SLC7A7: variants seen among roughly 807,000 people sequenced by gnomAD.
SLC7A7 encodes the protein Y+L amino acid transporter 1.
Under a neutral mutation model 47.9 loss-of-function variants are expected in SLC7A7, and 39 were observed. That is an observed-to-expected ratio of 0.81 (90% confidence interval 0.63 to 1.06). The LOEUF is 1.06. Ranked by LOEUF, SLC7A7 falls within the 50% of genes least tolerant of loss-of-function variation. SLC7A7 has a pLI of 0.00. For missense variants in SLC7A7, 588 were observed against 632.0 expected, an observed-to-expected ratio of 0.93 and a Z score of 0.75; for synonymous variants, 234 against 242.8, an observed-to-expected ratio of 0.96 and a Z score of 0.34.
At chr14:22,789,464 C>A (rs986562236) in intron 2 of SLC7A7, among the ~76,000 whole-genome samples, 8 of 151,750 alleles carry the variant, frequency 5.3e-5, no homozygotes, top group African/African-American at 1.9e-4. Flanking sequence ...CCCGTCTCTA[C>A]TAAAAATACA....
chr14:22,779,454 C>CT lies in SLC7A7; in HGVS notation c.625+471dup, dbSNP rs35328728. Among the ~76,000 whole-genome samples, 366 of 136,334 alleles carry CT rather than the reference C, an allele frequency of 2.7e-3. 1 individual carries two copies. Among genetic ancestry groups the CT allele is most frequent in the Middle Eastern group, 3.8e-3 (1 of 264 alleles). 89.4% of individuals were successfully genotyped at this position (136,334 alleles called of 152,430 possible). On this transcript the variant is annotated intron_variant, in intron 3 of 9. Transcript: ENST00000674313. Reference sequence around the variant, plus strand: ...AGCAACTTGGGCAAGATATTTAATTCTTTTTTTTTTTTGGGGGGGGGACAG... The same window carrying CT: ...AGCAACTTGGGCAAGATATTTAATTCTTTTTTTTTTTTTGGGGGGGGGACAG...
intron 2 of SLC7A7, chr14:22,780,260 A>C: frequency 1.8e-6 from 1 of 551,648 alleles, no homozygotes; most frequent in Non-Finnish European, 3.3e-6. Flanking sequence ...CACCCCCAGC[A>C]CCTTATATGG....
intron 2 of SLC7A7, among the ~76,000 whole-genome samples, chr14:22,791,466 A>G (rs2038922654): frequency 6.6e-6 from 1 of 152,158 alleles, no homozygotes; most frequent in South Asian, 2.1e-4. Context: ...TGGTGACATC[A>G]TTCATCCCAC....
At chr14:22,776,004 C>T in intron 5 of SLC7A7, 68 bp from the exon 6 acceptor site, 3 of 1,426,382 alleles carry the variant, frequency 2.1e-6, no homozygotes. Context: ...ATGGGCATGC[C>T]CCCAGATTCC....
intron 5 of SLC7A7, 39 bp from the exon 6 acceptor site, chr14:22,775,975 A>G: frequency 6.5e-7 from 1 of 1,530,766 alleles, no homozygotes; most frequent in African/African-American, 1.4e-5. Context: ...GCAGGATCTA[A>G]AAGGGATGAA....
Position 22,773,976 on chromosome 14 carries a change from T to C in SLC7A7, c.1386A>G (p.Arg462=). The C allele has an allele frequency of 6.2e-7, 1 of 1,613,692 alleles. No individual in the cohort carries two copies. The highest frequency in any genetic ancestry group is 2.2e-5 in the East Asian group (1 of 44,864). Residue 462 remains arginine (R), a synonymous_variant, in exon 9 of 10, where the codon AGA becomes AGG. Coordinates refer to ENST00000674313, the MANE Select transcript of SLC7A7 (RefSeq NM_003982.4). ...AAAGCGGTCGCTTATGTTCTGGCAC[T>C]CTGATGATGAGGAAGTAAAAGGGCA... ...SGLPFYFLII[R]VPEHKRPLYL...
chr14:22,810,162 A>G (rs1408656484), intron 2 of SLC7A7, among the ~76,000 whole-genome samples: 1 of 151,946 alleles, frequency 6.6e-6, no homozygotes, highest in Non-Finnish European at 1.5e-5. Context: ...AGACAAAGAT[A>G]GTTAAAATAA....
intron 2 of SLC7A7, among the ~76,000 whole-genome samples, chr14:22,784,645 A>G (rs2038782229): frequency 6.6e-6 from 1 of 152,020 alleles, no homozygotes; most frequent in South Asian, 2.1e-4. Context: ...TCACTCCTAT[A>G]ACCATCTAAA....
intron 2 of SLC7A7, among the ~76,000 whole-genome samples, chr14:22,807,116 G>T (rs1312006721): frequency 1.3e-5 from 2 of 152,000 alleles, no homozygotes; most frequent in African/African-American, 4.8e-5. Flanking sequence ...AGCCAGGATG[G>T]TCTCAATCTC....
chr14:22,789,060 T>C (rs1594958533), intron 2 of SLC7A7, among the ~76,000 whole-genome samples: 2 of 152,212 alleles, frequency 1.3e-5, no homozygotes, highest in African/African-American at 4.8e-5. Context: ...TAGCAGAGTA[T>C]GGCTTGTTCT....
chr14:22,808,155 A>G lies in SLC7A7; in HGVS notation c.499+4745T>C, dbSNP rs755328116. Among the ~76,000 whole-genome samples, 99 of 146,526 alleles carry G rather than the reference A, an allele frequency of 6.8e-4. 1 individual carries two copies. Among genetic ancestry groups the G allele is most frequent in the East Asian group, 1.9e-3 (9 of 4,682 alleles). The stretch of plus-strand genomic sequence containing the variant: ...CTCCAGCCTGGGCAACAAGAGTGAA[A>G]CTTCATCTCAAAAAAAAAAAAAGAA... On this transcript the variant is annotated intron_variant, in intron 2 of 9. Transcript: ENST00000674313.
intron 6 of SLC7A7, 80 bp from the exon 7 acceptor site, chr14:22,775,620 T>C: frequency 8.5e-7 from 1 of 1,173,260 alleles, no homozygotes; most frequent in Non-Finnish European, 1.3e-6. Context: ...TGGCCCTCCC[T>C]CTCTGCCATC....
chr14:22,785,899 A>G (rs7140366), intron 2 of SLC7A7, among the ~76,000 whole-genome samples: 47,862 of 151,210 alleles, frequency 0.32, 7,854 homozygotes, highest in African/African-American at 0.4. Context: ...GCAGGCGCCT[A>G]TAGTCCCAGA....
At chr14:22,785,690 T>C (rs980147208) in intron 2 of SLC7A7, among the ~76,000 whole-genome samples, 1 of 139,374 alleles carries the variant, frequency 7.2e-6, no homozygotes, top group Non-Finnish European at 1.5e-5. Flanking sequence ...ATCTCGCCAT[T>C]GCACCAGCCT....
chr14:22,774,200 G>T, intron 8 of SLC7A7, 84 bp from the exon 9 acceptor site: 3 of 1,580,942 alleles, frequency 1.9e-6, no homozygotes, highest in Middle Eastern at 1.7e-4. Flanking sequence ...AAGGATTAGC[G>T]CACTGAGCCT....
At chr14:22,807,210 T>G (rs1206178216) in intron 2 of SLC7A7, among the ~76,000 whole-genome samples, 1 of 152,144 alleles carries the variant, frequency 6.6e-6, no homozygotes, top group Non-Finnish European at 1.5e-5. Flanking sequence ...ACTATTTCTT[T>G]ATTCATACCC....
intron 2 of SLC7A7, among the ~76,000 whole-genome samples, chr14:22,797,796 G>C (rs2039044305): frequency 6.6e-6 from 1 of 152,164 alleles, no homozygotes. Context: ...TGATTTCAAG[G>C]TCTATTAGTA....
intron 1 of SLC7A7, chr14:22,814,693 A>T (rs1289177948): frequency 6.5e-6 from 1 of 152,974 alleles, no homozygotes; most frequent in East Asian, 1.9e-4. Flanking sequence ...TTAGGAACTG[A>T]CCCTACCAGC....
chr14:22,799,481 A>T (rs1165809187), intron 2 of SLC7A7, among the ~76,000 whole-genome samples: 4 of 111,082 alleles, frequency 3.6e-5, no homozygotes, highest in Non-Finnish European at 5.3e-5. Context: ...TTGAGACAGA[A>T]TCTTGCTCTG....
Sources: gnomAD v4.1 joint callset for allele counts (sites outside exome capture counted in the v4.1 genomes callset) on GRCh38, gnomAD v4.1.1 for gene constraint, MANE v1.5 for transcripts, NCBI Gene and HGNC (gene_info 2026-07-23, HGNC 2026-07-21) for gene names.